The following BRAP variants were observed in gnomAD, a reference collection of about 807,000 sequenced individuals.
BRAP encodes the protein BRCA1-associated protein.
Under a neutral mutation model 73.4 loss-of-function variants are expected in BRAP, and 42 were observed. The observed-to-expected ratio is 0.57, with a 90% CI of 0.45 to 0.74. The LOEUF is 0.74. BRAP is among the 30% of genes least tolerant of loss of function. The pLI, the probability that BRAP is intolerant of heterozygous loss-of-function variation, is 0.00. For missense variants in BRAP, 593 were observed against 751.4 expected (o/e 0.79, Z 2.46); for synonymous variants, 255 against 267.4 (o/e 0.95, Z 0.45).
At chr12:111,679,057 T>C in intron 4 of BRAP, 94 bp downstream of exon 4, 1 of 878,480 alleles carries the variant, frequency 1.1e-6, no homozygotes, top group East Asian at 2.9e-5. Context: ...GAATCTTAAG[T>C]GCAAAATGTT....
At position 111,665,420 on chromosome 12, in the gene BRAP, T is replaced by C. The variant is rs535303143; in HGVS notation, c.896+219A>G. Among the ~76,000 whole-genome samples the C allele has an allele frequency of 6.6e-6, 1 of 152,048 alleles. No individual in the cohort carries two copies. The highest frequency in any genetic ancestry group is 1.5e-5 in the Non-Finnish European group (1 of 68,006). ...GCTCTTGGAAGGAAAGAACAACTCATGCTGCTTTGGGGAATTCCACAAGGG... is the reference window on the plus strand; with the variant it reads ...GCTCTTGGAAGGAAAGAACAACTCACGCTGCTTTGGGGAATTCCACAAGGG... On this transcript the variant is annotated intron_variant, in intron 6 of 11. Transcript: ENST00000419234. This position sits in a 1 kb window ranked among gnomAD's most constrained non-coding sequence, Gnocchi z 4.3.
chr12:111,667,180 T>C (rs557872451), intron 5 of BRAP, among the ~76,000 whole-genome samples: 5 of 152,298 alleles, frequency 3.3e-5, no homozygotes, highest in Non-Finnish European at 7.4e-5. Flanking sequence ...ATTGTTTTAC[T>C]TGGGGCTCAT....
chr12:111,675,431 C>T (rs1887344109), intron 4 of BRAP, among the ~76,000 whole-genome samples: 1 of 150,268 alleles, frequency 6.7e-6, no homozygotes, highest in Non-Finnish European at 1.5e-5. Context: ...ATATTGATCT[C>T]TTCTTTAAAA....
At chr12:111,654,145 CCAA>C (rs953110672) in intron 10 of BRAP, among the ~76,000 whole-genome samples, 2 of 152,146 alleles carry the variant, frequency 1.3e-5, no homozygotes, top group African/African-American at 4.8e-5. Context: ...GCGCTCTGCT[CCAA>C]CGAGAGCATT....
intron 10 of BRAP, 36 bp downstream of exon 10, chr12:111,655,530 G>A (rs752164749): frequency 6.5e-7 from 1 of 1,546,546 alleles, no homozygotes; most frequent in Non-Finnish European, 8.9e-7. Context: ...CCTGCCATGT[G>A]TCATTTCCGC....
rs920505501 is a variant in BRAP, at chr12:111,642,297, T to G, written c.*1902A>C. 2 of 151,894 alleles carry G rather than the reference T, an allele frequency of 1.3e-5. No homozygotes were observed. The highest frequency in any genetic ancestry group is 2.9e-5 in the Non-Finnish European group (2 of 67,990). 9.4% of individuals were successfully genotyped at this position (151,894 alleles called of 1,614,324 possible). A position where few individuals can be genotyped will look rare whatever the true frequency, so the allele number is the denominator to read the frequency against. The stretch of plus-strand genomic sequence containing the variant: ...GACTCTTTGACTGTTTAAAAAAAAA[T>G]TTTTTTTTCTTTACGTATCTTGGTA... On this transcript the variant is annotated 3_prime_UTR_variant, in exon 12 of 12. Coordinates refer to ENST00000419234, the MANE Select transcript of BRAP (RefSeq NM_006768.5).
chr12:111,648,252 C>T (rs958407940), intron 11 of BRAP, among the ~76,000 whole-genome samples: 4 of 146,242 alleles, frequency 2.7e-5, no homozygotes, highest in Admixed American at 7.0e-5. Context: ...GAACTGAGAT[C>T]GCTCCACTGT....
intron 3 of BRAP, among the ~76,000 whole-genome samples, chr12:111,681,327 G>A (rs1220836321): frequency 6.6e-6 from 1 of 150,856 alleles, no homozygotes; most frequent in Non-Finnish European, 1.5e-5. Context: ...CTGAGATCGC[G>A]CCATTGCACT....
chr12:111,649,918 G>A (rs759162186), intron 11 of BRAP, 21 bp downstream of exon 11: 1 of 1,521,536 alleles, frequency 6.6e-7, no homozygotes, highest in Non-Finnish European at 9.1e-7. Context: ...TGTTACAACA[G>A]AATAGACCGA....
chr12:111,652,666 C>T (rs1886372750), intron 10 of BRAP, among the ~76,000 whole-genome samples: 1 of 152,146 alleles, frequency 6.6e-6, no homozygotes, highest in Non-Finnish European at 1.5e-5. Flanking sequence ...TGCTTGAGCC[C>T]AGGAGTTGGA....
intron 9 of BRAP, among the ~76,000 whole-genome samples, chr12:111,658,169 A>G (rs1235765250): frequency 6.6e-6 from 1 of 151,984 alleles, no homozygotes; most frequent in African/African-American, 2.4e-5. Context: ...ATCTCAGGTG[A>G]TTCGCCTGCC....
At position 111,665,618 on chromosome 12, in the gene BRAP, G is replaced by A; in HGVS notation, c.896+21C>T. The A allele has an allele frequency of 6.2e-7, 1 of 1,613,860 alleles. No homozygotes were observed. Among genetic ancestry groups the A allele is most frequent in the East Asian group, 2.2e-5 (1 of 44,884 alleles). On this transcript the variant is annotated intron_variant, in intron 6 of 11. Coordinates refer to ENST00000419234, the MANE Select transcript of BRAP (RefSeq NM_006768.5). The surrounding 1 kb of genome is among the most constrained non-coding windows in gnomAD (Gnocchi z 4.3). ...GGTTGCAATGGGCTTGTACACAGAG[G>A]GGTTCGGCCCCTGCACTCACGTGGT...
In BRAP at chr12:111,643,860, AC is replaced by A. The variant is rs1403130611; in HGVS notation, c.*338del. The A allele has an allele frequency of 1.2e-5, 3 of 249,494 alleles. No individual in the cohort carries two copies. Among genetic ancestry groups the A allele is most frequent in the African/African-American group, 2.2e-5 (1 of 44,946 alleles). The allele number at this position is 249,494 out of a possible 1,614,324, so 15.5% of individuals were successfully genotyped here. A position where few individuals can be genotyped will look rare whatever the true frequency, so the allele number is the denominator to read the frequency against. ...AGAAATAACTTAACATCTTAAACCT[AC>A]CCCAGAACTGAATGTCAAATACGCC... On this transcript the variant is annotated 3_prime_UTR_variant, in exon 12 of 12. Coordinates refer to ENST00000419234, the MANE Select transcript of BRAP (RefSeq NM_006768.5).
At chr12:111,666,226 T>C (rs1397786567) in intron 5 of BRAP, among the ~76,000 whole-genome samples, 1 of 152,208 alleles carries the variant, frequency 6.6e-6, no homozygotes, top group African/African-American at 2.4e-5. Context: ...CTTACAGAAC[T>C]GACATTCCAG....
At position 111,667,592 on chromosome 12, in the gene BRAP, T is replaced by C. The variant is rs575632012; in HGVS notation, c.748-1805A>G. Among the ~76,000 whole-genome samples the C allele has an allele frequency of 1.8e-4, 27 of 147,666 alleles. No individual in the cohort carries two copies. The East Asian group carries it at 4.4e-3, about 24-fold the overall frequency. On this transcript the variant is annotated intron_variant, in intron 5 of 11. Coordinates refer to ENST00000419234, the MANE Select transcript of BRAP (RefSeq NM_006768.5). The stretch of plus-strand genomic sequence containing the variant: ...GTGGGTGCCTGTAATCCCAGTTACT[T>C]GGGAGGATGAGGCAGAGAATTTCTT...
Position 111,685,734 on chromosome 12 carries a change from G to T in BRAP, c.59C>A (p.Ala20Asp), listed in dbSNP as rs1887803171. Residue 20 changes from alanine to aspartate, a missense_variant, in exon 1 of 12, where the codon GCC becomes GAC. By Grantham distance (126) the Ala-to-Asp change is moderately radical. Around this residue, in one of 4 missense-constraint regions of BRAP, gnomAD observed 304 missense variants for 337.7 expected, o/e 0.90. Coordinates refer to ENST00000419234, the MANE Select transcript of BRAP (RefSeq NM_006768.5). Reference protein sequence around the residue: ...LELAEHSPVPAGFGFSAAAGE... With the variant: ...LELAEHSPVPDGFGFSAAAGE... ...ACCCGCGGCGCTGAAGCCGAAGCCG[G>T]CGGGGACAGGCGAGTGTTCCGCGAG... 1.2e-6 allele frequency: 2 copies of T among 1,609,296 alleles called. No individual in the cohort carries two copies. The highest frequency in any genetic ancestry group is 1.3e-5 in the African/African-American group (1 of 74,866).
chr12:111,676,532 G>C (rs1297214415), intron 4 of BRAP, among the ~76,000 whole-genome samples: 1 of 152,180 alleles, frequency 6.6e-6, no homozygotes, highest in African/African-American at 2.4e-5. Flanking sequence ...TCCTGCCTCA[G>C]CCTTTCAAGT....
chr12:111,645,447 A>C (rs973025008), intron 11 of BRAP, among the ~76,000 whole-genome samples: 1 of 152,148 alleles, frequency 6.6e-6, no homozygotes, highest in African/African-American at 2.4e-5. Flanking sequence ...CTGACGGTAA[A>C]AATTCTACTG....
chr12:111,676,115 C>T (rs1308059658), intron 4 of BRAP, among the ~76,000 whole-genome samples: 1 of 151,866 alleles, frequency 6.6e-6, no homozygotes, highest in Admixed American at 6.6e-5. Context: ...TGGCCTTAAG[C>T]AATACTCCTG....
Sources: gnomAD v4.1 joint callset for allele counts (sites outside exome capture counted in the v4.1 genomes callset) on GRCh38, gnomAD v4.1.1 for gene constraint, gnomAD v4.1.1 regional missense constraint, Gnocchi (gnomAD v3.1) non-coding constraint, MANE v1.5 for transcripts, NCBI Gene and HGNC (gene_info 2026-07-23, HGNC 2026-07-21) for gene names.